HID1: variants seen among roughly 807,000 people sequenced by gnomAD.
HID1 encodes the protein protein HID1.
In HID1, 42 loss-of-function variants were observed where a neutral mutation model predicts 89.7. The ratio of observed to expected loss-of-function variants is 0.47; its 90% CI spans 0.37 to 0.61. HID1 has a LOEUF of 0.61. Ranked by LOEUF, HID1 falls within the 20% of genes least tolerant of loss-of-function variation. HID1 has a pLI of 0.00. For missense variants in HID1, 854 were observed against 1,039.3 expected, an observed-to-expected ratio of 0.82 and a Z score of 2.45; for synonymous variants, 442 against 433.8, an observed-to-expected ratio of 1.02 and a Z score of -0.24.
At chr17:74,956,080 G>T in intron 12 of HID1, 124 bp from the exon 13 acceptor site, 1 of 985,976 alleles carries the variant, frequency 1.0e-6, no homozygotes, top group Non-Finnish European at 1.5e-6. Context: ...GAGCCAGGAC[G>T]ACCAAGGCCC....
chr17:74,951,153 T>C lies in HID1; in HGVS notation c.*417A>G, dbSNP rs747467486. 1.4e-4 allele frequency: 25 copies of C among 183,520 alleles called. No homozygotes were observed. The highest frequency in any genetic ancestry group is 2.5e-4 in the Non-Finnish European group (22 of 88,750). The allele number at this position is 183,520 out of a possible 1,614,324, so 11.4% of individuals were successfully genotyped here. On this transcript the variant is annotated 3_prime_UTR_variant, in exon 19 of 19. Coordinates refer to ENST00000425042, the MANE Select transcript of HID1 (RefSeq NM_030630.3). ...GGGTTAGGAGGCTGGAAGCACCCCC[T>C]TACCCTGTCCAGGCACCTCAAGGGA...
intron 3 of HID1, chr17:74,963,455 G>C: frequency 1.9e-6 from 1 of 516,964 alleles, no homozygotes; most frequent in East Asian, 3.2e-5. Context: ...CCGGCCCTCA[G>C]AGGGCCCAGC....
chr17:74,963,113 T>C (rs376504901), intron 3 of HID1, 32 bp from the exon 4 acceptor site: 162 of 1,507,186 alleles, frequency 1.1e-4, no homozygotes, highest in Non-Finnish European at 1.3e-4. Flanking sequence ...GCTGCCTCAG[T>C]GATAGCTGGC....
In HID1 at chr17:74,958,311, G is replaced by A. The variant is rs760553994; in HGVS notation, c.1392+16C>T. ...ACCCCTGCACCTCCTGGGCCCGGCC[G>A]CACGAGCCCCCTCACCACAATGAGC... is the stretch of plus-strand genomic sequence containing the variant. On this transcript the variant is annotated intron_variant, in intron 11 of 18. Coordinates refer to ENST00000425042, the MANE Select transcript of HID1 (RefSeq NM_030630.3). This position sits in a 1 kb window ranked among gnomAD's most constrained non-coding sequence, Gnocchi z 5.2. 1.1e-5 allele frequency: 17 copies of A among 1,611,906 alleles called. No homozygotes were observed. Among genetic ancestry groups the A allele is most frequent in the Middle Eastern group, 1.6e-4 (1 of 6,082 alleles).
intron 6 of HID1, 69 bp from the exon 7 acceptor site, chr17:74,960,317 GC>G: frequency 7.3e-7 from 1 of 1,362,584 alleles, no homozygotes; most frequent in Non-Finnish European, 1.0e-6. Flanking sequence ...CACCTCTCTG[GC>G]CACGTGGGAA....
intron 1 of HID1, among the ~76,000 whole-genome samples, chr17:74,970,336 A>G (rs1567967121): frequency 6.6e-6 from 1 of 152,208 alleles, no homozygotes; most frequent in Non-Finnish European, 1.5e-5. Context: ...AAGGTCCCCT[A>G]GTCCTCAAGC....
intron 1 of HID1, 102 bp from the exon 2 acceptor site, chr17:74,964,734 TC>T: frequency 8.1e-7 from 1 of 1,231,654 alleles, no homozygotes; most frequent in Non-Finnish European, 1.1e-6. Context: ...GAAGCCAGAG[TC>T]CCCCTACCTG....
In HID1 at chr17:74,962,178, G is replaced by T. The variant is rs915612784; in HGVS notation, c.611+56C>A. On this transcript the variant is annotated intron_variant, in intron 5 of 18. Coordinates refer to ENST00000425042, the MANE Select transcript of HID1 (RefSeq NM_030630.3). This position sits in a 1 kb window ranked among gnomAD's most constrained non-coding sequence, Gnocchi z 4.3. Reference sequence around the variant, plus strand: ...CCCCATGGGCTTTCTGAGCTGTGCGGGGGCCCGGCCCGGGGTCCAGCTGCA... The same window carrying T: ...CCCCATGGGCTTTCTGAGCTGTGCGTGGGCCCGGCCCGGGGTCCAGCTGCA... The T allele has an allele frequency of 1.3e-5, 19 of 1,453,954 alleles. No individual in the cohort carries two copies. The highest frequency in any genetic ancestry group is 1.8e-5 in the Non-Finnish European group (19 of 1,050,274). 90.1% of individuals were successfully genotyped at this position (1,453,954 alleles called of 1,614,324 possible).
chr17:74,970,295 G>T (rs1363237163), intron 1 of HID1, among the ~76,000 whole-genome samples: 1 of 152,162 alleles, frequency 6.6e-6, no homozygotes, highest in African/African-American at 2.4e-5. Context: ...GGGAGCAGTT[G>T]TATCTTTTGA....
In HID1 at chr17:74,951,617, CA is replaced by C. The variant is rs779181056; in HGVS notation, c.2319del (p.Val774SerfsTer7). 2 of 1,612,792 alleles carry C rather than the reference CA, an allele frequency of 1.2e-6. No individual in the cohort carries two copies. The highest frequency in any genetic ancestry group is 4.5e-5 in the East Asian group (2 of 44,870). On this transcript the variant is annotated frameshift_variant, in exon 19 of 19. Transcript: ENST00000425042. LOFTEE classifies it high-confidence loss of function. ...GVIYLRNVDP[P>X]VWYDTDVKLF... ...AGCTTCACGTCGGTGTCGTACCAGACAGGGGGGTCCACATTCCTGTGGAGGA... is the reference window on the plus strand; with the variant it reads ...AGCTTCACGTCGGTGTCGTACCAGACGGGGGGTCCACATTCCTGTGGAGGA...
At position 74,958,749 on chromosome 17, in the gene HID1, G is replaced by C; in HGVS notation, c.1164C>G (p.Phe388Leu). The part of the protein sequence containing the change: ...LCDFNKKFLF[F>L]VLKSSDVLDI... Reference sequence around the variant, plus strand: ...CTAGGACGTCGCTGCTCTTCAGCACGAAGAAGAGGAATTTCTAGGGGTGCG... The same window carrying C: ...CTAGGACGTCGCTGCTCTTCAGCACCAAGAAGAGGAATTTCTAGGGGTGCG... The change falls in exon 10 of 19, where the codon TTC (phenylalanine) becomes TTG (leucine). Residue 388 changes from phenylalanine (F) to leucine (L), a missense_variant. By Grantham distance (22) the Phe-to-Leu change is conservative. Coordinates refer to ENST00000425042, the MANE Select transcript of HID1 (RefSeq NM_030630.3). The surrounding 1 kb of genome is among the most constrained non-coding windows in gnomAD (Gnocchi z 5.2). 1 of 1,608,482 alleles carries C rather than the reference G, an allele frequency of 6.2e-7. No homozygotes were observed. Among genetic ancestry groups the C allele is most frequent in the South Asian group, 1.1e-5 (1 of 90,908 alleles).
intron 13 of HID1, 62 bp downstream of exon 13, chr17:74,955,730 C>T: frequency 6.5e-7 from 1 of 1,535,148 alleles, no homozygotes; most frequent in Non-Finnish European, 8.9e-7. Context: ...CTGTGCCCCC[C>T]TTATGTAGGA....
Position 74,972,563 on chromosome 17 carries a change from TG to T in HID1, c.66+27del. On this transcript the variant is annotated intron_variant, in intron 1 of 18. Transcript: ENST00000425042. This position sits in a 1 kb window ranked among gnomAD's most constrained non-coding sequence, Gnocchi z 6.4. ...CCCAGCCCCCAGCCCGGCAGGTGGA[TG>T]GGGACGCCGGGGCCCCCGTGGCGCA... is the stretch of plus-strand genomic sequence containing the variant. 1 of 1,538,678 alleles carries T rather than the reference TG, an allele frequency of 6.5e-7. No homozygotes were observed. Among genetic ancestry groups the T allele is most frequent in the Non-Finnish European group, 8.8e-7 (1 of 1,139,534 alleles).
chr17:74,956,979 C>T (rs898481469), intron 12 of HID1, among the ~76,000 whole-genome samples: 5 of 152,214 alleles, frequency 3.3e-5, no homozygotes, highest in African/African-American at 1.2e-4. Context: ...ACATCAGCCA[C>T]GTGTGGCCAT....
Position 74,951,565 on chromosome 17 carries a change from C to G in HID1, c.*5G>C. 6.2e-7 allele frequency: 1 copy of G among 1,610,440 alleles called. No individual in the cohort carries two copies. Among genetic ancestry groups the G allele is most frequent in the Non-Finnish European group, 8.5e-7 (1 of 1,178,536 alleles). ...CCTAGACTGAGCCCCTCGTCGGCTT[C>G]ATCCTCACACCCGCTGTATCTCAAA... On this transcript the variant is annotated 3_prime_UTR_variant, in exon 19 of 19. Coordinates refer to ENST00000425042, the MANE Select transcript of HID1 (RefSeq NM_030630.3).
chr17:74,960,829 G>A (rs1477204759), intron 6 of HID1, among the ~76,000 whole-genome samples: 1 of 152,208 alleles, frequency 6.6e-6, no homozygotes, highest in East Asian at 1.9e-4. Flanking sequence ...AGTCTGGAAG[G>A]CGGAGGTCGA....
In HID1 at chr17:74,952,334, C is replaced by T. The variant is rs146778361; in HGVS notation, c.2079G>A (p.Pro693=). Residue 693 remains proline (P), a synonymous_variant, in exon 17 of 19, where the codon CCG becomes CCA. Transcript: ENST00000425042. ...GCAGCAGCCTCATGATGGTCTGCAG[C>T]GGCAGCTTCGACTTCCAGGAGAGGA... ...EWVLSWKSKL[P]LQTIMRLLQV... The T allele has an allele frequency of 3.1e-6, 5 of 1,613,860 alleles. No homozygotes were observed. The highest frequency in any genetic ancestry group is 4.2e-6 in the Non-Finnish European group (5 of 1,179,944).
At position 74,963,720 on chromosome 17, in the gene HID1, C is replaced by A; in HGVS notation, c.387+20G>T. 6.3e-7 allele frequency: 1 copy of A among 1,584,854 alleles called. No homozygotes were observed. On this transcript the variant is annotated intron_variant, in intron 3 of 18. Coordinates refer to ENST00000425042, the MANE Select transcript of HID1 (RefSeq NM_030630.3). The stretch of plus-strand genomic sequence containing the variant: ...GACGCCAACTCTGCCTCCCACCCAG[C>A]CCTGGCCAGGCCCACAGACCCCTCC...
At chr17:74,963,630 G>A in intron 3 of HID1, 110 bp downstream of exon 3, 1 of 1,141,964 alleles carries the variant, frequency 8.8e-7, no homozygotes, top group African/African-American at 1.6e-5. Context: ...CCCCACCCCT[G>A]TACTTCCCAA....
Sources: gnomAD v4.1 joint callset for allele counts (sites outside exome capture counted in the v4.1 genomes callset) on GRCh38, gnomAD v4.1.1 for gene constraint, Gnocchi (gnomAD v3.1) non-coding constraint, MANE v1.5 for transcripts, NCBI Gene and HGNC (gene_info 2026-07-23, HGNC 2026-07-21) for gene names.